The following C8orf89 variants were observed in gnomAD, a reference collection of about 807,000 sequenced individuals.
C8orf89 encodes the protein putative uncharacterized protein C8orf89.
A neutral mutation model predicts 15.8 loss-of-function variants in C8orf89; 14 were observed. The observed-to-expected ratio is 0.89, with a 90% CI of 0.59 to 1.39. The LOEUF (loss-of-function observed/expected upper bound fraction) is 1.39. C8orf89 is among the 40% of genes most tolerant of loss of function. C8orf89 has a pLI of 0.00. For synonymous variants in C8orf89, 55 were observed against 62.2 expected (o/e 0.88, Z 0.54); for missense variants, 181 against 184.5 (o/e 0.98, Z 0.11).
At chr8:73,253,458 T>C (rs1255476556) in intron 2 of C8orf89, among the ~76,000 whole-genome samples, 1 of 152,026 alleles carries the variant, frequency 6.6e-6, no homozygotes, top group East Asian at 1.9e-4. Context: ...AGTAGTTTTT[T>C]CCAATTCTGT....
chr8:73,285,371 G>A, the C8orf89 span, among the ~76,000 whole-genome samples: 1 of 152,194 alleles, frequency 6.6e-6, no homozygotes, highest in Non-Finnish European at 1.5e-5. Context: ...ACCCCACCTA[G>A]TAGCCTTCCT....
intron 1 of C8orf89, 100 bp from the exon 2 acceptor site, chr8:73,257,226 T>A: frequency 1.4e-6 from 1 of 711,338 alleles, no homozygotes; most frequent in Non-Finnish European, 2.1e-6. Context: ...AGCTATTAAG[T>A]AAAGAAAATT....
the C8orf89 span, among the ~76,000 whole-genome samples, chr8:73,285,425 G>T: frequency 1.3e-5 from 2 of 152,188 alleles, no homozygotes; most frequent in East Asian, 3.9e-4. Context: ...CCATCATAAA[G>T]TGCATCTAGA....
chr8:73,270,980 G>A, the C8orf89 span, among the ~76,000 whole-genome samples: 17 of 152,264 alleles, frequency 1.1e-4, no homozygotes, highest in Non-Finnish European at 1.8e-4. Flanking sequence ...TGTGAATCAA[G>A]AAATGAAGAG....
the C8orf89 span, among the ~76,000 whole-genome samples, chr8:73,270,318 T>C: frequency 6.6e-6 from 1 of 152,174 alleles, no homozygotes; most frequent in East Asian, 1.9e-4. Flanking sequence ...CAAAGTCAGG[T>C]CTACGTATCT....
the C8orf89 span, among the ~76,000 whole-genome samples, chr8:73,268,078 G>C: frequency 1.3e-5 from 2 of 152,196 alleles, no homozygotes; most frequent in Non-Finnish European, 2.9e-5. Flanking sequence ...TCAGACTGCA[G>C]TTTTGACCTG....
rs139167574 is a variant in C8orf89, at chr8:73,249,618, G to A, written c.337+650C>T. Among the ~76,000 whole-genome samples the A allele has an allele frequency of 3.0e-3, 456 of 152,146 alleles. 3 individuals are homozygous for A. Among genetic ancestry groups the A allele is most frequent in the African/African-American group, 0.011 (444 of 41,526 alleles). On this transcript the variant is annotated intron_variant, in intron 3 of 3. Coordinates refer to ENST00000624510, the MANE Select transcript of C8orf89 (RefSeq NM_001243237.3). ...AACTTAAGCTTTTAATGAAATAATT[G>A]TTGCACATAGGAAAGGATGAATCAT...
chr8:73,278,750 TC>T, the C8orf89 span, among the ~76,000 whole-genome samples: 1 of 152,172 alleles, frequency 6.6e-6, no homozygotes, highest in Admixed American at 6.5e-5. Context: ...TCCTTATAAA[TC>T]CATGCTATTA....
intron 2 of C8orf89, 104 bp downstream of exon 2, chr8:73,256,860 AAAAAAAAAC>A: frequency 1.5e-6 from 1 of 681,646 alleles, no homozygotes; most frequent in Non-Finnish European, 2.1e-6. Context: ...TGTAAAAAAA[AAAAAAAAAC>A]AGGCAAAAAT....
At chr8:73,247,081 T>C (rs1017934825) in intron 3 of C8orf89, among the ~76,000 whole-genome samples, 2 of 152,344 alleles carry the variant, frequency 1.3e-5, no homozygotes, top group East Asian at 1.9e-4. Flanking sequence ...CATGTGTAGG[T>C]TTGTTACATA....
chr8:73,259,380 C>T lies in C8orf89; in HGVS notation c.79G>A (p.Glu27Lys). The stretch of plus-strand genomic sequence containing the variant: ...AAAACTGCTTTCTTCCAACTACTCT[C>T]AAAAATCAAACAACTGCCAAAGGAA... ...RSSFGSCLIF[E>K]SSWKKAVLET... The change falls in exon 1 of 4, where the codon GAG (glutamate) becomes AAG (lysine). Residue 27 changes from glutamate to lysine, a missense_variant. Transcript: ENST00000624510. 6.5e-7 allele frequency: 1 copy of T among 1,529,792 alleles called. No individual in the cohort carries two copies. Among genetic ancestry groups the T allele is most frequent in the East Asian group, 2.5e-5 (1 of 40,812 alleles). The allele number at this position is 1,529,792 out of a possible 1,614,324, so 94.8% of individuals were successfully genotyped here.
chr8:73,242,201 T>C (rs980771512), intron 3 of C8orf89, among the ~76,000 whole-genome samples: 3 of 151,882 alleles, frequency 2.0e-5, no homozygotes, highest in Non-Finnish European at 4.4e-5. Flanking sequence ...ATCAACAAAA[T>C]GAAAAGAACC....
the C8orf89 span, among the ~76,000 whole-genome samples, chr8:73,273,705 G>A: frequency 1.3e-5 from 2 of 151,788 alleles, no homozygotes; most frequent in Non-Finnish European, 2.9e-5. Flanking sequence ...TGAAGTCTGC[G>A]CCCAGAGTGA....
chr8:73,279,322 C>T, the C8orf89 span, among the ~76,000 whole-genome samples: 2 of 152,144 alleles, frequency 1.3e-5, no homozygotes, highest in Non-Finnish European at 2.9e-5. Flanking sequence ...TGATCTTTGC[C>T]TGGCCCTGGG....
Position 73,241,373 on chromosome 8 carries a change from A to C in C8orf89, c.*84T>G. ...TTATTTACATTTCCATTTTTATATAAATCATTTTGCATCATATCATATAAA... is the reference window on the plus strand; with the variant it reads ...TTATTTACATTTCCATTTTTATATACATCATTTTGCATCATATCATATAAA... On this transcript the variant is annotated 3_prime_UTR_variant, in exon 4 of 4. Transcript: ENST00000624510. The C allele has an allele frequency of 9.2e-7, 1 of 1,088,324 alleles. No homozygotes were observed. The highest frequency in any genetic ancestry group is 1.2e-6 in the Non-Finnish European group (1 of 834,070). The allele number at this position is 1,088,324 out of a possible 1,614,324, so 67.4% of individuals were successfully genotyped here. A position where few individuals can be genotyped will look rare whatever the true frequency, so the allele number is the denominator to read the frequency against.
At chr8:73,277,418 G>T in the C8orf89 span, 2 of 1,195,928 alleles carry the variant, frequency 1.7e-6, no homozygotes, top group Non-Finnish European at 2.4e-6. Flanking sequence ...TCCAGAACCA[G>T]ACAAAGTAGG....
In C8orf89 at chr8:73,241,650, C is replaced by T. The variant is rs1361142715; in HGVS notation, c.338-45G>A. On this transcript the variant is annotated intron_variant, in intron 3 of 3. Coordinates refer to ENST00000624510, the MANE Select transcript of C8orf89 (RefSeq NM_001243237.3). The stretch of plus-strand genomic sequence containing the variant: ...GTCAGCTATTAAAATGAATTAAGCA[C>T]ACATGAATAATATTCTATTAAATAT... 3 of 1,391,870 alleles carry T rather than the reference C, an allele frequency of 2.2e-6. No homozygotes were observed. The East Asian group carries it at 7.5e-5, about 35-fold the overall frequency. 86.2% of individuals were successfully genotyped at this position (1,391,870 alleles called of 1,614,324 possible). A position where few individuals can be genotyped will look rare whatever the true frequency, so the allele number is the denominator to read the frequency against.
the C8orf89 span, among the ~76,000 whole-genome samples, chr8:73,272,134 C>G: frequency 1.3e-5 from 2 of 152,088 alleles, no homozygotes; most frequent in African/African-American, 4.8e-5. Context: ...CAGGGTGAAA[C>G]TACAAACTTA....
At chr8:73,257,285 C>T (rs902199218) in intron 1 of C8orf89, among the ~76,000 whole-genome samples, 159 bp from the exon 2 acceptor site, 29 of 152,146 alleles carry the variant, frequency 1.9e-4, no homozygotes, top group Non-Finnish European at 3.2e-4. Context: ...TTTCCTTCTA[C>T]ATCCTGACTA....
Sources: allele counts gnomAD v4.1 joint callset (sites outside exome capture counted in the v4.1 genomes callset), GRCh38; gene constraint gnomAD v4.1.1; transcripts MANE v1.5; gene names NCBI Gene and HGNC (gene_info 2026-07-23, HGNC 2026-07-21).